Variants in TAFA2 observed in about 807,000 individuals in gnomAD.
TAFA2 encodes TAFA chemokine like family member 2, also known as chemokine-like protein TAFA-2.
TAFA2 carries 7 observed loss-of-function variants against 18.8 expected under a neutral mutation model. The observed-to-expected ratio is 0.37, with a 90% CI of 0.21 to 0.70. The LOEUF is 0.70. Among genes scored for constraint, TAFA2 ranks in the 30% least tolerant of loss-of-function variants. TAFA2 has a pLI of 0.53. For synonymous variants in TAFA2, 60 were observed against 54.2 expected, an observed-to-expected ratio of 1.11 and a Z score of -0.47; for missense variants, 122 against 158.1, an observed-to-expected ratio of 0.77 and a Z score of 1.23.
At position 61,807,829 on chromosome 12, in the gene TAFA2, G is replaced by A. The variant is rs1206262360; in HGVS notation, c.107-52805C>T. ...ATGGGGCCTGTAGCCCCTTTGTTTT[G>A]GCCAATTTCTCACATTTGGAATGGC... On this transcript the variant is annotated intron_variant, in intron 2 of 4. Transcript: ENST00000416284. Among the ~76,000 whole-genome samples, 2 of 151,332 alleles carry A rather than the reference G, an allele frequency of 1.3e-5. 1 individual carries two copies. The highest frequency in any genetic ancestry group is 4.9e-5 in the African/African-American group (2 of 40,686).
At chr12:61,778,859 T>C (rs1456062918) in intron 2 of TAFA2, among the ~76,000 whole-genome samples, 1 of 151,912 alleles carries the variant, frequency 6.6e-6, no homozygotes, top group African/African-American at 2.4e-5. Context: ...CATCTGCTTC[T>C]GGGAATGTGC....
At chr12:62,054,872 C>A (rs2136779191) in intron 1 of TAFA2, among the ~76,000 whole-genome samples, 1 of 152,244 alleles carries the variant, frequency 6.6e-6, no homozygotes, top group East Asian at 1.9e-4. Flanking sequence ...ATCACAGAAT[C>A]TTATTTTTAA....
intron 1 of TAFA2, among the ~76,000 whole-genome samples, chr12:61,972,537 T>C (rs1208043187): frequency 6.6e-6 from 1 of 151,634 alleles, no homozygotes; most frequent in Non-Finnish European, 1.5e-5. Flanking sequence ...AAACCCTGAC[T>C]GATGATATGC....
chr12:61,811,275 C>T (rs1288333272), intron 2 of TAFA2, among the ~76,000 whole-genome samples: 1 of 150,998 alleles, frequency 6.6e-6, no homozygotes, highest in South Asian at 2.1e-4. Context: ...TCAGAAAAGC[C>T]CTACAGTTGA....
intron 1 of TAFA2, among the ~76,000 whole-genome samples, chr12:62,231,500 G>GT (rs1480366287): frequency 6.6e-6 from 1 of 152,116 alleles, no homozygotes; most frequent in Non-Finnish European, 1.5e-5. Flanking sequence ...GCAGCATATA[G>GT]TTACGTTTTG....
chr12:62,075,811 C>T (rs1592320397), intron 1 of TAFA2, among the ~76,000 whole-genome samples: 3 of 152,328 alleles, frequency 2.0e-5, no homozygotes, highest in Admixed American at 2.0e-4. Flanking sequence ...ATGAGCTATA[C>T]ATAAAACCAT....
intron 4 of TAFA2, among the ~76,000 whole-genome samples, chr12:61,751,132 G>C (rs2120746338): frequency 6.6e-6 from 1 of 152,134 alleles, no homozygotes; most frequent in South Asian, 2.1e-4. Context: ...CTTCCACTGT[G>C]GGCAAAGTAA....
intron 1 of TAFA2, among the ~76,000 whole-genome samples, chr12:62,034,358 C>T (rs966837285): frequency 5.9e-5 from 9 of 152,136 alleles, no homozygotes; most frequent in Non-Finnish European, 8.8e-5. Flanking sequence ...TTTTACCTAC[C>T]TCGGAAAGGG....
intron 1 of TAFA2, among the ~76,000 whole-genome samples, chr12:61,983,985 G>C (rs1879730928): frequency 6.6e-6 from 1 of 152,056 alleles, no homozygotes; most frequent in Non-Finnish European, 1.5e-5. Flanking sequence ...CCTTGTTCAA[G>C]TATCAATGTA....
chr12:62,202,415 T>G (rs2062675043), intron 1 of TAFA2, among the ~76,000 whole-genome samples: 1 of 151,928 alleles, frequency 6.6e-6, no homozygotes, highest in Non-Finnish European at 1.5e-5. Context: ...GATACGATCT[T>G]GGCTCACTGC....
intron 2 of TAFA2, among the ~76,000 whole-genome samples, chr12:61,756,343 T>G (rs1243362419): frequency 6.6e-6 from 1 of 152,124 alleles, no homozygotes; most frequent in Non-Finnish European, 1.5e-5. Context: ...CAAATCTATC[T>G]CTATGAAAGC....
chr12:62,089,161 T>C (rs1868600703), intron 1 of TAFA2, among the ~76,000 whole-genome samples: 1 of 152,150 alleles, frequency 6.6e-6, no homozygotes, highest in South Asian at 2.1e-4. Context: ...ACTAGAACTA[T>C]CCACGTTTAT....
At chr12:62,232,197 C>T (rs1301634870) in intron 1 of TAFA2, among the ~76,000 whole-genome samples, 2 of 151,178 alleles carry the variant, frequency 1.3e-5, no homozygotes, top group African/African-American at 4.9e-5. Flanking sequence ...TCACCCTTGA[C>T]CTCTCCCTCA....
At chr12:62,049,543 G>A (rs1293470779) in intron 1 of TAFA2, among the ~76,000 whole-genome samples, 1 of 152,128 alleles carries the variant, frequency 6.6e-6, no homozygotes, top group East Asian at 1.9e-4. Flanking sequence ...AACATTTTCA[G>A]TTGAATAATG....
chr12:61,991,946 T>C (rs1201135477), intron 1 of TAFA2, among the ~76,000 whole-genome samples: 8 of 152,170 alleles, frequency 5.3e-5, no homozygotes, highest in African/African-American at 1.9e-4. Context: ...TGCAAAACAG[T>C]TTTCAGTTCT....
rs116988069 is a variant in TAFA2 at position 61,836,741 on chromosome 12, A to G, written c.106+30579T>C. ...GAATTGTTGCCAATTTGATATATATATATATATATATATATACACACACAC... is the reference window on the plus strand; with the variant it reads ...GAATTGTTGCCAATTTGATATATATGTATATATATATATATACACACACAC... On this transcript the variant is annotated intron_variant, in intron 2 of 4. Transcript: ENST00000416284. 8.4e-3 allele frequency among the ~76,000 whole-genome samples: 692 copies of G among 82,040 alleles called. 3 individuals carry two copies. Among genetic ancestry groups the G allele is most frequent in the Middle Eastern group, 0.027 (4 of 148 alleles). The allele number at this position is 82,040 out of a possible 152,430, so 53.8% of individuals were successfully genotyped here.
intron 2 of TAFA2, among the ~76,000 whole-genome samples, chr12:61,755,643 G>A (rs1869228456): frequency 6.6e-6 from 1 of 152,038 alleles, no homozygotes; most frequent in African/African-American, 2.4e-5. Flanking sequence ...TGCCTGAGAG[G>A]GCAACTGTCA....
intron 1 of TAFA2, among the ~76,000 whole-genome samples, chr12:62,183,844 ATTAT>A (rs1224540490): frequency 6.6e-6 from 1 of 152,192 alleles, no homozygotes; most frequent in Non-Finnish European, 1.5e-5. Context: ...ATATATGAAG[ATTAT>A]TTATTTTCTA....
At chr12:61,908,007 T>TG (rs1243764778) in intron 1 of TAFA2, among the ~76,000 whole-genome samples, 1 of 152,154 alleles carries the variant, frequency 6.6e-6, no homozygotes, top group Non-Finnish European at 1.5e-5. Context: ...GTAACCAACT[T>TG]GGCTTTTGAT....
Sources: allele counts gnomAD v4.1 joint callset (sites outside exome capture counted in the v4.1 genomes callset), GRCh38; gene constraint gnomAD v4.1.1; transcripts MANE v1.5; gene names NCBI Gene and HGNC (gene_info 2026-07-23, HGNC 2026-07-21).